The following FGF14 variants were observed in gnomAD, a reference collection of about 807,000 sequenced individuals.
The protein encoded by FGF14 is fibroblast growth factor 14.
Under a neutral mutation model 25.5 loss-of-function variants are expected in FGF14, and 5 were observed. That is an observed-to-expected ratio of 0.20 (90% CI 0.10 to 0.41). FGF14 has a LOEUF of 0.41. FGF14 is among the 10% of genes least tolerant of loss of function. The probability of loss-of-function intolerance (pLI) is 1.00; values close to 1 mark genes in which losing one functional copy is unlikely to be tolerated. For missense variants in FGF14, 222 were observed against 320.1 expected (o/e 0.69, Z 2.34); for synonymous variants, 138 against 118.3 (o/e 1.17, Z -1.08).
chr13:102,108,524 C>T (rs1231835710), intron 1 of FGF14, among the ~76,000 whole-genome samples: 1 of 152,188 alleles, frequency 6.6e-6, no homozygotes, highest in Non-Finnish European at 1.5e-5. Flanking sequence ...ATTGTGTGAG[C>T]TCTTTCTAAA....
At chr13:102,142,320 T>C (rs922529233) in intron 1 of FGF14, among the ~76,000 whole-genome samples, 2 of 152,152 alleles carry the variant, frequency 1.3e-5, no homozygotes, top group African/African-American at 4.8e-5. Flanking sequence ...ATGATTTGGT[T>C]GCATTTTCAC....
At chr13:102,232,314 C>T (rs1216333229) in intron 1 of FGF14, among the ~76,000 whole-genome samples, 1 of 152,192 alleles carries the variant, frequency 6.6e-6, no homozygotes, top group African/African-American at 2.4e-5. Flanking sequence ...ATAACTTTCA[C>T]ATCCACATCA....
chr13:102,161,686 A>AT (rs1566765803), intron 1 of FGF14, among the ~76,000 whole-genome samples: 771 of 69,886 alleles, frequency 0.011, 49 homozygotes, highest in Middle Eastern at 0.028. Context: ...GAAGAAGAAG[A>AT]AGAAGAAGAA....
intron 1 of FGF14, among the ~76,000 whole-genome samples, chr13:102,203,185 AT>A (rs2049747603): frequency 6.6e-6 from 1 of 152,190 alleles, no homozygotes; most frequent in South Asian, 2.1e-4. Context: ...TGTCTTCTTA[AT>A]TATGTTTTAT....
intron 1 of FGF14, among the ~76,000 whole-genome samples, chr13:101,933,227 C>A (rs966150605): frequency 6.6e-6 from 1 of 152,170 alleles, no homozygotes; most frequent in Non-Finnish European, 1.5e-5. Context: ...TATCCCTTTT[C>A]TTGGCCTCTT....
At chr13:102,314,926 T>G (rs544725634) in intron 1 of FGF14, among the ~76,000 whole-genome samples, 1 of 149,272 alleles carries the variant, frequency 6.7e-6, no homozygotes, top group African/African-American at 2.4e-5. Context: ...ACATAATAAA[T>G]GTACAAAATT....
chr13:102,023,624 A>G (rs1338379395), intron 1 of FGF14, among the ~76,000 whole-genome samples: 2 of 152,074 alleles, frequency 1.3e-5, no homozygotes, highest in East Asian at 3.9e-4. Flanking sequence ...AGCCCCTGAC[A>G]ACAACTAATC....
chr13:102,089,343 A>C lies in FGF14; in HGVS notation c.209-214047T>G, dbSNP rs539465119. 2.0e-5 allele frequency among the ~76,000 whole-genome samples: 3 copies of C among 152,214 alleles called. No individual in the cohort carries two copies. The South Asian group carries it at 6.2e-4, about 31-fold the overall frequency. On this transcript the variant is annotated intron_variant, in intron 1 of 4. Transcript: ENST00000376131. ...CAGAAGAGGGCACTGGCAGGTATTC[A>C]ACCCAATATCTGATATTTCAAACAG...
chr13:102,290,990 T>C (rs947921726), intron 1 of FGF14, among the ~76,000 whole-genome samples: 5 of 152,072 alleles, frequency 3.3e-5, no homozygotes, highest in African/African-American at 1.2e-4. Flanking sequence ...AGAAACCAAG[T>C]ACAAATTCTA....
intron 1 of FGF14, among the ~76,000 whole-genome samples, chr13:102,217,530 A>G (rs2050427317): frequency 6.6e-6 from 1 of 152,238 alleles, no homozygotes; most frequent in South Asian, 2.1e-4. Flanking sequence ...AAATGAGATG[A>G]ATAGGCATTT....
At chr13:101,814,884 G>A (rs917286382) in intron 3 of FGF14, among the ~76,000 whole-genome samples, 5 of 152,084 alleles carry the variant, frequency 3.3e-5, no homozygotes, top group Non-Finnish European at 7.4e-5. Context: ...CTATTTCCAC[G>A]ATAGTTTTGA....
intron 1 of FGF14, among the ~76,000 whole-genome samples, chr13:102,352,703 T>G (rs953379873): frequency 1.3e-5 from 2 of 151,164 alleles, no homozygotes; most frequent in Non-Finnish European, 2.9e-5. Context: ...TCCCAGCTAC[T>G]CGGGAGGCTG....
intron 1 of FGF14, among the ~76,000 whole-genome samples, chr13:102,149,949 T>C (rs1251024042): frequency 6.6e-6 from 1 of 152,194 alleles, no homozygotes; most frequent in Admixed American, 6.5e-5. Flanking sequence ...GAGAAGCTTG[T>C]CAACAAATTC....
At chr13:102,186,359 C>T (rs975884055) in intron 1 of FGF14, among the ~76,000 whole-genome samples, 3 of 152,124 alleles carry the variant, frequency 2.0e-5, no homozygotes, top group Non-Finnish European at 4.4e-5. Flanking sequence ...AAAGATCTCA[C>T]TGACTGCCAA....
intron 1 of FGF14, among the ~76,000 whole-genome samples, chr13:102,345,888 A>G (rs1178992469): frequency 6.6e-6 from 1 of 152,238 alleles, no homozygotes; most frequent in Non-Finnish European, 1.5e-5. Context: ...GGATAGATTC[A>G]ATAGCCAATT....
chr13:101,882,838 A>G (rs2045784979), intron 1 of FGF14, among the ~76,000 whole-genome samples: 1 of 152,188 alleles, frequency 6.6e-6, no homozygotes, highest in Non-Finnish European at 1.5e-5. Flanking sequence ...ATTTAAAGAA[A>G]GGTACAAACA....
intron 2 of FGF14, 73 bp downstream of exon 2, chr13:101,875,113 T>C: frequency 9.9e-7 from 1 of 1,005,308 alleles, no homozygotes; most frequent in East Asian, 2.4e-5. Flanking sequence ...TGCAAATGAA[T>C]CTTAAAAAGT....
intron 1 of FGF14, among the ~76,000 whole-genome samples, chr13:102,122,852 T>C (rs1398809232): frequency 6.6e-6 from 1 of 152,238 alleles, no homozygotes; most frequent in African/African-American, 2.4e-5. Context: ...AAGATGGGTA[T>C]TTATACTCTC....
intron 1 of FGF14, among the ~76,000 whole-genome samples, chr13:102,086,390 C>G (rs1014523930): frequency 6.6e-6 from 1 of 151,866 alleles, no homozygotes; most frequent in Admixed American, 6.6e-5. Flanking sequence ...ATTAGCCGGG[C>G]GTGGTGGCGG....
Sources: allele counts gnomAD v4.1 joint callset (sites outside exome capture counted in the v4.1 genomes callset), GRCh38; gene constraint gnomAD v4.1.1; transcripts MANE v1.5; gene names NCBI Gene and HGNC (gene_info 2026-07-23, HGNC 2026-07-21).